Variants in NEBL observed in about 807,000 individuals in gnomAD.
NEBL encodes LIM and SH3 protein 2.
In NEBL, 122 loss-of-function variants were observed where a neutral mutation model predicts 140.2. That is an observed-to-expected ratio of 0.87 (90% CI 0.75 to 1.01). NEBL has a LOEUF of 1.01. Ranked by LOEUF, NEBL falls within the 50% of genes least tolerant of loss-of-function variation. The pLI, the probability that NEBL is intolerant of heterozygous loss-of-function variation, is 0.00. For missense variants in NEBL, 1,365 were observed against 1,231.3 expected (o/e 1.11, Z -1.62); for synonymous variants, 436 against 398.9 (o/e 1.09, Z -1.11).
In NEBL at chr10:20,909,374, C is replaced by A. The variant is rs567100910; in HGVS notation, c.357+52298G>T. Among the ~76,000 whole-genome samples the A allele has an allele frequency of 7.2e-5, 11 of 151,754 alleles. No homozygotes were observed. In the East Asian group the frequency reaches 2.1e-3, roughly 29 times the overall value. The stretch of plus-strand genomic sequence containing the variant: ...GCTCAATTCTTTTGATTTTTAGATT[C>A]TATAAATAAGTGAGAACATGCAATG... On this transcript the variant is annotated intron_variant, in intron 4 of 6. Coordinates refer to the NEBL transcript ENST00000417816.
rs758081493 is a variant in NEBL at position 20,897,183 on chromosome 10, T to C, written c.23A>G (p.Asp8Gly). The change falls in exon 1 of 28, where the codon GAT becomes GGT. Residue 8 changes from aspartate (D) to glycine (G), a missense_variant. Coordinates refer to ENST00000377122, the MANE Select transcript of NEBL (RefSeq NM_006393.3). MRVPVFE[D>G]IKDETEEEKI... is the part of the protein sequence containing the mutation. ...TTCTTCTTCAGTTTCATCTTTTATA[T>C]CCTCAAATACAGGGACCCTCATTTT... is the stretch of plus-strand genomic sequence containing the variant. 3.6e-5 allele frequency: 58 copies of C among 1,603,870 alleles called. 3 individuals carry two copies. The South Asian group carries it at 6.1e-4, about 17-fold the overall frequency.
chr10:20,941,691 T>C (rs1024030350), intron 4 of NEBL, among the ~76,000 whole-genome samples: 1 of 151,836 alleles, frequency 6.6e-6, no homozygotes, highest in Non-Finnish European at 1.5e-5. Flanking sequence ...AACCCCATCG[T>C]CTCAGCCCAA....
chr10:21,266,340 C>T (rs1842796600), intron 1 of NEBL, among the ~76,000 whole-genome samples: 1 of 152,118 alleles, frequency 6.6e-6, no homozygotes, highest in African/African-American at 2.4e-5. Context: ...CAGAGTTTCG[C>T]CATGTTGCCC....
chr10:21,227,711 TTTCTTCTTCTTCTTCTTCTTCTTC>T (rs796306558), intron 3 of NEBL, among the ~76,000 whole-genome samples: 26 of 46,418 alleles, frequency 5.6e-4, no homozygotes, highest in African/African-American at 1.6e-3. Context: ...CTTCTTCTTC[TTTCTTCTTCTTCTTCTTCTTCTTC>T]TTCTTCTTCT....
intron 3 of NEBL, among the ~76,000 whole-genome samples, chr10:21,218,547 T>C (rs573674915): frequency 3.0e-4 from 46 of 152,280 alleles, no homozygotes; most frequent in Non-Finnish European, 1.5e-5. Context: ...TAAAATAAAT[T>C]ATTTAAAAGA....
rs200571909 is a variant in NEBL, at chr10:20,809,950, G to GAAAAAAAAAAAAAAAAA, written c.2519-53_2519-52insTTTTTTTTTTTTTTTTT. On this transcript the variant is annotated intron_variant, in intron 24 of 27. Transcript: ENST00000377122. ...CTCATCAAGAAGGAATTTAAAAAAG[G>GAAAAAAAAAAAAAAAAA]AAAAAAAAAAAAAAAAGCCAGTACC... 1.3e-5 allele frequency: 9 copies of GAAAAAAAAAAAAAAAAA among 683,192 alleles called. 1 individual carries two copies. Among genetic ancestry groups the GAAAAAAAAAAAAAAAAA allele is most frequent in the African/African-American group, 9.9e-5 (4 of 40,344 alleles). The allele number at this position is 683,192 out of a possible 1,614,324, so 42.3% of individuals were successfully genotyped here.
chr10:20,989,728 T>C (rs1028592207), intron 3 of NEBL, among the ~76,000 whole-genome samples: 2 of 152,218 alleles, frequency 1.3e-5, no homozygotes, highest in African/African-American at 2.4e-5. Flanking sequence ...ATGACCATTA[T>C]ATCTGAGGGA....
chr10:20,894,647 G>C (rs1847293776), intron 2 of NEBL, among the ~76,000 whole-genome samples: 1 of 151,758 alleles, frequency 6.6e-6, no homozygotes, highest in African/African-American at 2.4e-5. Context: ...GGGCATGGTG[G>C]CTCACGCCTG....
At chr10:20,935,957 G>T (rs901779202) in intron 4 of NEBL, among the ~76,000 whole-genome samples, 3 of 152,126 alleles carry the variant, frequency 2.0e-5, no homozygotes, top group Non-Finnish European at 4.4e-5. Flanking sequence ...AACTGTAAGG[G>T]ATGGTAATCA....
intron 1 of NEBL, chr10:21,172,515 A>G (rs997649421): frequency 6.7e-7 from 1 of 1,492,894 alleles, no homozygotes; most frequent in Non-Finnish European, 9.3e-7. Flanking sequence ...ATACAGTACA[A>G]TGCCAGTTCT....
intron 4 of NEBL, among the ~76,000 whole-genome samples, chr10:20,950,746 C>T (rs2131592681): frequency 6.6e-6 from 1 of 152,284 alleles, no homozygotes; most frequent in African/African-American, 2.4e-5. Flanking sequence ...TCATCAAAGG[C>T]CTCACACAAT....
intron 3 of NEBL, among the ~76,000 whole-genome samples, chr10:20,965,020 C>T (rs778071873): frequency 7.2e-5 from 11 of 152,180 alleles, no homozygotes; most frequent in Non-Finnish European, 1.0e-4. Context: ...ACTTCTATGC[C>T]CTGATTCTTC....
At chr10:21,097,401 G>C (rs929480876) in intron 2 of NEBL, among the ~76,000 whole-genome samples, 1 of 151,908 alleles carries the variant, frequency 6.6e-6, no homozygotes, top group Admixed American at 6.6e-5. Flanking sequence ...GGAGGTTGCA[G>C]TGAGCCGAGA....
chr10:20,892,441 C>T (rs969868120), intron 2 of NEBL, among the ~76,000 whole-genome samples: 2 of 152,170 alleles, frequency 1.3e-5, no homozygotes, highest in Non-Finnish European at 2.9e-5. Flanking sequence ...ACTGATAACA[C>T]CCATAGTACC....
chr10:21,173,628 C>A lies in NEBL; in HGVS notation c.69+137G>T. 2.8e-6 allele frequency: 4 copies of A among 1,422,954 alleles called. No homozygotes were observed. The highest frequency in any genetic ancestry group is 3.9e-6 in the Non-Finnish European group (4 of 1,032,960). The allele number at this position is 1,422,954 out of a possible 1,614,324, so 88.1% of individuals were successfully genotyped here. ...ACTCCCGCTGGCGTCTTCGTTCGCG[C>A]GCCCTCCCCCCGTGCCAAGGCACAC... is the stretch of plus-strand genomic sequence containing the variant. On this transcript the variant is annotated intron_variant, in intron 1 of 6. Coordinates refer to the NEBL transcript ENST00000417816. The surrounding 1 kb of genome is among the most constrained non-coding windows in gnomAD (Gnocchi z 5.7).
chr10:21,227,526 T>C (rs996061058), intron 3 of NEBL, among the ~76,000 whole-genome samples: 2 of 152,232 alleles, frequency 1.3e-5, no homozygotes, highest in Admixed American at 6.5e-5. Flanking sequence ...CTTGAAGGTG[T>C]TTGACTTTCC....
chr10:20,918,495 T>G (rs1833416476), intron 4 of NEBL, among the ~76,000 whole-genome samples: 1 of 152,082 alleles, frequency 6.6e-6, no homozygotes, highest in African/African-American at 2.4e-5. Context: ...TTGTGATAAT[T>G]AAATAGGATA....
At chr10:20,980,343 CA>C (rs199964725) in intron 3 of NEBL, among the ~76,000 whole-genome samples, 18 of 113,894 alleles carry the variant, frequency 1.6e-4, no homozygotes, top group South Asian at 8.3e-4. Context: ...ACAAAAAGAA[CA>C]AAAAAAAAAG....
chr10:20,780,935 TGTGA>T lies in NEBL; in HGVS notation c.*4808_*4811del, dbSNP rs916694506. 4 of 152,214 alleles carry T rather than the reference TGTGA, an allele frequency of 2.6e-5. No homozygotes were observed. The highest frequency in any genetic ancestry group is 9.6e-5 in the African/African-American group (4 of 41,470). The allele number at this position is 152,214 out of a possible 1,614,324, so 9.4% of individuals were successfully genotyped here. ...ATGATTAGGGTAGCCTTGAAGGGTT[TGTGA>T]GTGACTGTACTATACAATGTGATGC... On this transcript the variant is annotated 3_prime_UTR_variant, in exon 28 of 28. Transcript: ENST00000377122.
Sources: allele counts gnomAD v4.1 joint callset (sites outside exome capture counted in the v4.1 genomes callset), GRCh38; gene constraint gnomAD v4.1.1; non-coding constraint Gnocchi (gnomAD v3.1); transcripts MANE v1.5; gene names NCBI Gene and HGNC (gene_info 2026-07-23, HGNC 2026-07-21).